The following HIVEP3 variants were observed in gnomAD, a reference collection of about 807,000 sequenced individuals.
HIVEP3 encodes the protein transcription factor HIVEP3.
Under a neutral mutation model 152.8 loss-of-function variants are expected in HIVEP3, and 49 were observed. The ratio of observed to expected loss-of-function variants is 0.32; its 90% confidence interval spans 0.26 to 0.41. HIVEP3 has a LOEUF of 0.41. Among genes scored for constraint, HIVEP3 ranks in the 10% least tolerant of loss-of-function variants. The probability of loss-of-function intolerance (pLI) is 1.00; values close to 1 mark genes in which losing one functional copy is unlikely to be tolerated. For missense variants in HIVEP3, 2,790 were observed against 3,103.3 expected (o/e 0.90, Z 2.40); for synonymous variants, 1,269 against 1,289.0 (o/e 0.98, Z 0.33).
chr1:41,631,317 G>C (rs1407025809), intron 2 of HIVEP3, among the ~76,000 whole-genome samples: 1 of 152,166 alleles, frequency 6.6e-6, no homozygotes, highest in African/African-American at 2.4e-5. Context: ...TGGCAAGTGG[G>C]GCTAAGAATG....
chr1:42,015,650 T>C (rs935907811), intron 1 of HIVEP3, among the ~76,000 whole-genome samples: 11 of 152,400 alleles, frequency 7.2e-5, no homozygotes, highest in Non-Finnish European at 1.3e-4. Flanking sequence ...GTTTTGTCTA[T>C]GCATTGAGTC....
At chr1:41,983,813 G>T (rs1209267492) in intron 1 of HIVEP3, among the ~76,000 whole-genome samples, 1 of 152,114 alleles carries the variant, frequency 6.6e-6, no homozygotes, top group African/African-American at 2.4e-5. Context: ...AAAATGTCCT[G>T]ATGATAAGTA....
At chr1:41,932,015 T>C (rs917574217) in intron 1 of HIVEP3, among the ~76,000 whole-genome samples, 1 of 151,842 alleles carries the variant, frequency 6.6e-6, no homozygotes, top group Non-Finnish European at 1.5e-5. Context: ...ACATCTTGCA[T>C]TGTTTTTTAT....
At chr1:41,529,073 TCA>T (rs1195335594) in intron 5 of HIVEP3, among the ~76,000 whole-genome samples, 5 of 49,824 alleles carry the variant, frequency 1.0e-4, no homozygotes, top group South Asian at 1.7e-3. Context: ...ACCCTCACAC[TCA>T]CACACATCCT....
intron 1 of HIVEP3, among the ~76,000 whole-genome samples, chr1:41,716,049 G>A (rs1457129462): frequency 6.6e-6 from 1 of 152,232 alleles, no homozygotes; most frequent in Non-Finnish European, 1.5e-5. Flanking sequence ...GAGAACGGCA[G>A]GGTGACAGAA....
chr1:41,637,121 A>G (rs1238531361), intron 2 of HIVEP3, among the ~76,000 whole-genome samples: 1 of 152,226 alleles, frequency 6.6e-6, no homozygotes, highest in African/African-American at 2.4e-5. Context: ...CGTGTCTACC[A>G]AAATGTATGT....
At chr1:41,686,911 T>G (rs1024422872) in intron 2 of HIVEP3, among the ~76,000 whole-genome samples, 9 of 152,236 alleles carry the variant, frequency 5.9e-5, no homozygotes, top group African/African-American at 2.2e-4. Flanking sequence ...GCATCTACTA[T>G]GGACCAGGCC....
At chr1:41,938,467 T>G (rs1226011114) in intron 1 of HIVEP3, among the ~76,000 whole-genome samples, 1 of 152,028 alleles carries the variant, frequency 6.6e-6, no homozygotes, top group Admixed American at 6.6e-5. Context: ...CAGGGGAAGA[T>G]GAAGTAATGG....
intron 1 of HIVEP3, among the ~76,000 whole-genome samples, chr1:41,752,321 C>T (rs1162688818): frequency 1.3e-5 from 2 of 152,214 alleles, no homozygotes; most frequent in African/African-American, 2.4e-5. Context: ...TTCTGGGGAG[C>T]CCTCACTGAA....
intron 6 of HIVEP3, 96 bp downstream of exon 6, chr1:41,524,639 G>A (rs1642848575): frequency 2.5e-6 from 3 of 1,179,772 alleles, no homozygotes. Context: ...CAGGCCCCCT[G>A]CAAAGAGGTC....
intron 5 of HIVEP3, among the ~76,000 whole-genome samples, chr1:41,562,620 TCTCTCTCTCTCTCC>T (rs1558063042): frequency 1.1e-3 from 109 of 102,602 alleles, no homozygotes; most frequent in African/African-American, 4.1e-3. Flanking sequence ...TCTCTCTCTC[TCTCTCTCTCTCTCC>T]CTCTCTCTCT....
chr1:41,560,899 C>T (rs917403023), intron 5 of HIVEP3, among the ~76,000 whole-genome samples: 1 of 152,216 alleles, frequency 6.6e-6, no homozygotes, highest in Admixed American at 6.5e-5. Flanking sequence ...GATGCCTCAC[C>T]TCAAACCAGG....
chr1:41,601,081 T>C (rs1644741922), intron 3 of HIVEP3, among the ~76,000 whole-genome samples: 1 of 152,208 alleles, frequency 6.6e-6, no homozygotes, highest in African/African-American at 2.4e-5. Context: ...CTGGATTTAT[T>C]TCGGGTTCTC....
intron 1 of HIVEP3, among the ~76,000 whole-genome samples, chr1:42,033,727 C>G (rs1410969260): frequency 1.3e-5 from 2 of 152,234 alleles, no homozygotes; most frequent in Non-Finnish European, 2.9e-5. Flanking sequence ...GGTTATTACA[C>G]TGTAAAGTGC....
At chr1:41,682,667 T>C (rs1321865353) in intron 2 of HIVEP3, among the ~76,000 whole-genome samples, 1 of 152,092 alleles carries the variant, frequency 6.6e-6, no homozygotes, top group African/African-American at 2.4e-5. Context: ...GACCTCTTGG[T>C]GGTAGAGAAG....
chr1:41,715,406 G>A (rs1021522983), intron 1 of HIVEP3, among the ~76,000 whole-genome samples: 4 of 152,136 alleles, frequency 2.6e-5, no homozygotes, highest in Non-Finnish European at 4.4e-5. Context: ...GGGCCCAGGC[G>A]ACCTGAAGGG....
intron 3 of HIVEP3, among the ~76,000 whole-genome samples, chr1:41,616,083 C>T (rs1337381436): frequency 6.6e-6 from 1 of 152,024 alleles, no homozygotes; most frequent in African/African-American, 2.4e-5. Flanking sequence ...GAGCTTCTGT[C>T]ACCTCTCCCT....
intron 1 of HIVEP3, among the ~76,000 whole-genome samples, chr1:41,881,216 CA>C (rs992641228): frequency 2.6e-5 from 4 of 152,220 alleles, no homozygotes; most frequent in African/African-American, 9.7e-5. Context: ...TAATACAGGT[CA>C]GGGGTGAATA....
At chr1:41,630,999 C>T (rs572787052) in intron 2 of HIVEP3, among the ~76,000 whole-genome samples, 2 of 152,278 alleles carry the variant, frequency 1.3e-5, no homozygotes, top group South Asian at 4.1e-4. Flanking sequence ...AACAGTGATT[C>T]CTGAATGAAT....
Sources: allele counts gnomAD v4.1 joint callset (sites outside exome capture counted in the v4.1 genomes callset), GRCh38; gene constraint gnomAD v4.1.1; transcripts MANE v1.5; gene names NCBI Gene and HGNC (gene_info 2026-07-23, HGNC 2026-07-21).